The following FRMD4A variants were observed in gnomAD, a reference collection of about 807,000 sequenced individuals.
The protein encoded by FRMD4A is FERM domain-containing protein 4A.
A neutral mutation model predicts 129.1 loss-of-function variants in FRMD4A; 29 were observed. That is an observed-to-expected ratio of 0.22 (90% CI 0.17 to 0.31). FRMD4A has a LOEUF of 0.31. Ranked by LOEUF, FRMD4A falls within the 10% of genes least tolerant of loss-of-function variation. The probability of loss-of-function intolerance (pLI) is 1.00; values close to 1 mark genes in which losing one functional copy is unlikely to be tolerated. For synonymous variants in FRMD4A, 634 were observed against 571.6 expected (o/e 1.11, Z -1.56); for missense variants, 1,272 against 1,375.8 (o/e 0.92, Z 1.19).
chr10:13,714,932 G>A (rs1378827274), intron 12 of FRMD4A, among the ~76,000 whole-genome samples: 2 of 152,044 alleles, frequency 1.3e-5, no homozygotes, highest in African/African-American at 2.4e-5. Flanking sequence ...CCAGCTATTC[G>A]GGAGGCTGAG....
At chr10:13,855,287 G>T (rs1419921327) in intron 3 of FRMD4A, among the ~76,000 whole-genome samples, 1 of 152,166 alleles carries the variant, frequency 6.6e-6, no homozygotes, top group Non-Finnish European at 1.5e-5. Context: ...TGGGGAGTCG[G>T]TTTGGATGCC....
intron 3 of FRMD4A, among the ~76,000 whole-genome samples, chr10:13,827,320 C>T (rs1003842671): frequency 5.3e-5 from 8 of 152,158 alleles, no homozygotes; most frequent in African/African-American, 1.7e-4. Flanking sequence ...GGTCTAGCCC[C>T]CAGCAAAGCC....
At chr10:13,945,412 G>T (rs1225288770) in intron 2 of FRMD4A, among the ~76,000 whole-genome samples, 1 of 152,128 alleles carries the variant, frequency 6.6e-6, no homozygotes, top group African/African-American at 2.4e-5. Context: ...ACCGGGGAAA[G>T]GGGCTTACAA....
intron 2 of FRMD4A, among the ~76,000 whole-genome samples, chr10:13,978,828 G>A (rs2095551044): frequency 6.6e-6 from 1 of 152,184 alleles, no homozygotes; most frequent in Admixed American, 6.5e-5. Context: ...CCCTGGGAAA[G>A]TACAGGAGAG....
intron 2 of FRMD4A, among the ~76,000 whole-genome samples, chr10:14,239,622 G>T (rs955938842): frequency 2.7e-5 from 4 of 150,240 alleles, no homozygotes; most frequent in African/African-American, 9.8e-5. Flanking sequence ...GCGAGACTCC[G>T]TCTCAAGAAA....
At chr10:13,990,145 G>A (rs1046578354) in intron 2 of FRMD4A, among the ~76,000 whole-genome samples, 5 of 152,210 alleles carry the variant, frequency 3.3e-5, no homozygotes, top group Admixed American at 6.5e-5. Context: ...TAGAAAGTGG[G>A]GTTAGGAATA....
At chr10:14,193,851 A>T (rs958920187) in intron 2 of FRMD4A, among the ~76,000 whole-genome samples, 1 of 152,144 alleles carries the variant, frequency 6.6e-6, no homozygotes, top group South Asian at 2.1e-4. Context: ...CCTTTCCTAG[A>T]CTTCTTGGTC....
At chr10:14,173,320 C>G (rs1282246066) in intron 2 of FRMD4A, among the ~76,000 whole-genome samples, 4 of 152,166 alleles carry the variant, frequency 2.6e-5, no homozygotes, top group Non-Finnish European at 5.9e-5. Flanking sequence ...CAAAGCGTCT[C>G]TTGAAAGTGA....
In FRMD4A at chr10:14,305,852, T is replaced by C. The variant is rs542199980; in HGVS notation, c.45+24206A>G. ...GGACATGGATGGAGCTAGAAGTCAT[T>C]ATCCTCAGCAAATGGAGGAACAGAA... is the stretch of plus-strand genomic sequence containing the variant. On this transcript the variant is annotated intron_variant, in intron 2 of 24. Coordinates refer to ENST00000357447, the MANE Select transcript of FRMD4A (RefSeq NM_018027.5). Among the ~76,000 whole-genome samples the C allele has an allele frequency of 3.3e-5, 5 of 152,320 alleles. No homozygotes were observed. The East Asian group carries it at 5.8e-4, about 18-fold the overall frequency.
At chr10:13,713,877 TA>T (rs2088348051) in intron 12 of FRMD4A, among the ~76,000 whole-genome samples, 2 of 19,742 alleles carry the variant, frequency 1.0e-4, no homozygotes, top group African/African-American at 4.3e-4. Flanking sequence ...TACATATATG[TA>T]ATATATATAC....
At chr10:13,960,424 G>A (rs2095439117) in intron 2 of FRMD4A, among the ~76,000 whole-genome samples, 2 of 152,344 alleles carry the variant, frequency 1.3e-5, no homozygotes, top group South Asian at 4.1e-4. Context: ...TAGCCAGGGA[G>A]TAAATTGATA....
At chr10:14,214,685 T>C (rs767968359) in intron 2 of FRMD4A, among the ~76,000 whole-genome samples, 32 of 152,254 alleles carry the variant, frequency 2.1e-4, no homozygotes, top group Non-Finnish European at 8.8e-5. Context: ...TTTATAGTCC[T>C]ATTTTCTATA....
chr10:14,053,948 AGT>A (rs1463202066), intron 2 of FRMD4A, among the ~76,000 whole-genome samples: 4 of 152,174 alleles, frequency 2.6e-5, no homozygotes, highest in Non-Finnish European at 4.4e-5. Flanking sequence ...TCCAGGCTGC[AGT>A]GAGTTATGAT....
intron 12 of FRMD4A, among the ~76,000 whole-genome samples, chr10:13,710,882 T>G (rs1017466719): frequency 1.6e-4 from 24 of 152,006 alleles, no homozygotes; most frequent in African/African-American, 5.8e-4. Flanking sequence ...GGTGTAGTGG[T>G]GGGCACCTGT....
chr10:13,654,571 G>A, intron 22 of FRMD4A, 59 bp from the exon 23 acceptor site: 1 of 1,076,206 alleles, frequency 9.3e-7, no homozygotes, highest in Non-Finnish European at 1.4e-6. Context: ...ACAGGTGAAA[G>A]AGCTTGCGAC....
At chr10:14,135,330 T>G (rs1330894688) in intron 2 of FRMD4A, among the ~76,000 whole-genome samples, 1 of 152,200 alleles carries the variant, frequency 6.6e-6, no homozygotes, top group Non-Finnish European at 1.5e-5. Flanking sequence ...CAGCCCTACT[T>G]CAACCACTCG....
At chr10:13,831,028 G>A (rs1392360791) in intron 3 of FRMD4A, among the ~76,000 whole-genome samples, 1 of 152,168 alleles carries the variant, frequency 6.6e-6, no homozygotes, top group Non-Finnish European at 1.5e-5. Context: ...GACCTCAAGT[G>A]ATCCACCTGC....
At chr10:13,930,479 C>T (rs1426119481) in intron 2 of FRMD4A, among the ~76,000 whole-genome samples, 1 of 152,118 alleles carries the variant, frequency 6.6e-6, no homozygotes, top group East Asian at 1.9e-4. Flanking sequence ...CTCTGCAGAC[C>T]CATTGATGGC....
intron 2 of FRMD4A, among the ~76,000 whole-genome samples, chr10:14,191,349 G>C (rs1332033208): frequency 2.6e-5 from 4 of 152,210 alleles, no homozygotes; most frequent in African/African-American, 9.6e-5. Context: ...GTCGTTGAGA[G>C]AAAGCAGAGG....
Sources: allele counts gnomAD v4.1 joint callset (sites outside exome capture counted in the v4.1 genomes callset), GRCh38; gene constraint gnomAD v4.1.1; transcripts MANE v1.5; gene names NCBI Gene and HGNC (gene_info 2026-07-23, HGNC 2026-07-21).